Variants in RTL1 observed in about 807,000 individuals in gnomAD.
RTL1 encodes the protein retrotransposon Gag like 1, also known as retrotransposon-like protein 1.
For synonymous variants in RTL1, 727 were observed against 748.4 expected, an observed-to-expected ratio of 0.97 and a Z score of 0.47; for missense variants, 1,681 against 1,767.5, an observed-to-expected ratio of 0.95 and a Z score of 0.88.
rs2038625046 is a variant in RTL1, at chr14:100,882,166, A to G, written c.2623T>C (p.Phe875Leu). The G allele has an allele frequency of 1.3e-6, 2 of 1,550,630 alleles. No individual in the cohort carries two copies. The highest frequency in any genetic ancestry group is 1.4e-5 in the African/African-American group (1 of 73,156). The stretch of plus-strand genomic sequence containing the variant: ...CCGGTGACGCCGGTTTCCAAGTAGA[A>G]TGGGTTCTGGGGCTTGGGGTGGTGG... ...LLHHPKPQNP[F>L]YLETGVTGTA... Residue 875 changes from phenylalanine (F) to leucine (L), a missense_variant, in exon 4 of 4, where the codon TTC (phenylalanine) becomes CTC (leucine). Coordinates refer to ENST00000649591, the MANE Select transcript of RTL1 (RefSeq NM_001134888.3).
chr14:100,880,080 C>G lies in RTL1; in HGVS notation c.*632G>C, dbSNP rs1566751513. ...CGGCTTTGTCCAGGTAAGTCCAGAG[C>G]TCAGGGCAAGAGGAAGGCGGGGTCA... On this transcript the variant is annotated 3_prime_UTR_variant, in exon 4 of 4. Coordinates refer to ENST00000649591, the MANE Select transcript of RTL1 (RefSeq NM_001134888.3). Among the ~76,000 whole-genome samples the G allele has an allele frequency of 7.1e-6, 1 of 140,500 alleles. No homozygotes were observed. The highest frequency in any genetic ancestry group is 1.5e-5 in the Non-Finnish European group (1 of 66,618). The allele number at this position is 140,500 out of a possible 152,430, so 92.2% of individuals were successfully genotyped here.
Position 100,881,459 on chromosome 14 carries a change from T to A in RTL1, c.3330A>T (p.Ala1110=). Residue 1110 remains alanine, a synonymous_variant, in exon 4 of 4, where the codon GCA becomes GCT. Coordinates refer to ENST00000649591, the MANE Select transcript of RTL1 (RefSeq NM_001134888.3). This position sits in a 1 kb window ranked among gnomAD's most constrained non-coding sequence, Gnocchi z 6.6. ...RVRQCLSLRP[A]PAMRVARPQP... ...GGGGCCGAGCCACCCGCATGGCGGG[T>A]GCCGGCCGCAGCGAGAGGCATTGCC... The A allele has an allele frequency of 1.3e-6, 2 of 1,549,600 alleles. No individual in the cohort carries two copies. The highest frequency in any genetic ancestry group is 1.7e-6 in the Non-Finnish European group (2 of 1,146,674).
intron 2 of RTL1, among the ~76,000 whole-genome samples, chr14:100,894,309 C>CAAAAAAAAA (rs562868034): frequency 4.1e-5 from 3 of 72,456 alleles, no homozygotes; most frequent in South Asian, 4.5e-4. Context: ...AACTCCGTCT[C>CAAAAAAAAA]AAAAAAAAAA....
At chr14:100,887,875 A>C (rs553293810) in intron 3 of RTL1, among the ~76,000 whole-genome samples, 1 of 152,032 alleles carries the variant, frequency 6.6e-6, no homozygotes, top group Non-Finnish European at 1.5e-5. Flanking sequence ...TAATCATATA[A>C]CTTCTTTTTA....
At position 100,882,403 on chromosome 14, in the gene RTL1, T is replaced by C. The variant is rs1278455063; in HGVS notation, c.2386A>G (p.Ile796Val). 17 of 1,551,856 alleles carry C rather than the reference T, an allele frequency of 1.1e-5. No homozygotes were observed. Among genetic ancestry groups the C allele is most frequent in the Non-Finnish European group, 1.4e-5 (16 of 1,147,080 alleles). The change falls in exon 4 of 4, where the codon ATC becomes GTC. Residue 796 changes from isoleucine (I) to valine (V), a missense_variant. Physicochemically the swap from Ile to Val is conservative, Grantham distance 29. Transcript: ENST00000649591. ...GVKLNKNVMT[I>V]ITGYPTPGSK... ...CCAGGGGTAGGGTACCCTGTTATGA[T>C]GGTCATGACGTTCTTGTTCAGTTTC...
At chr14:100,900,743 A>T (rs2038930337) in intron 2 of RTL1, among the ~76,000 whole-genome samples, 1 of 152,168 alleles carries the variant, frequency 6.6e-6, no homozygotes, top group African/African-American at 2.4e-5. Flanking sequence ...AGCTATCCTG[A>T]ACCAGAAATC....
chr14:100,894,453 G>A (rs1405683106), intron 2 of RTL1, among the ~76,000 whole-genome samples: 2 of 152,148 alleles, frequency 1.3e-5, no homozygotes, highest in Non-Finnish European at 2.9e-5. Flanking sequence ...ACCTGCATGC[G>A]CCATTCAAGT....
chr14:100,891,184 G>A (rs773503400), intron 3 of RTL1, among the ~76,000 whole-genome samples: 7 of 152,066 alleles, frequency 4.6e-5, no homozygotes, highest in Admixed American at 1.3e-4. Context: ...CCCTCCCCCC[G>A]GGACCCTTCA....
rs1023501074 is a variant in RTL1 at position 100,884,262 on chromosome 14, C to T, written c.527G>A (p.Arg176Gln). The T allele has an allele frequency of 4.5e-6, 7 of 1,551,598 alleles. No homozygotes were observed. The highest frequency in any genetic ancestry group is 6.1e-6 in the Non-Finnish European group (7 of 1,146,992). ...MVRSIISLYF[R>Q]MQDLKEQQRV... ...CTGTTGCTCTTTGAGGTCTTGCATTCGGAAGTACAGCGAGATGATGGACCT... is the reference window on the plus strand; with the variant it reads ...CTGTTGCTCTTTGAGGTCTTGCATTTGGAAGTACAGCGAGATGATGGACCT... The change falls in exon 4 of 4, where the codon CGA becomes CAA. Residue 176 changes from arginine to glutamine, a missense_variant. By Grantham distance (43) the Arg-to-Gln change is conservative. Transcript: ENST00000649591.
intron 2 of RTL1, among the ~76,000 whole-genome samples, chr14:100,898,490 T>C (rs1197139955): frequency 6.6e-6 from 1 of 152,250 alleles, no homozygotes; most frequent in Non-Finnish European, 1.5e-5. Context: ...CATTTTGACC[T>C]TGTTACTGTC....
chr14:100,880,947 C>A lies in RTL1; in HGVS notation c.3842G>T (p.Arg1281Leu). ...HTAATHPPRP[R>L]HLMDPQVLEF... Reference sequence around the variant, plus strand: ...CAGGACCTGGGGATCCATCAGGTGGCGTGGGCGGGGTGGGTGGGTGGCTGC... The same window carrying A: ...CAGGACCTGGGGATCCATCAGGTGGAGTGGGCGGGGTGGGTGGGTGGCTGC... Residue 1281 changes from arginine to leucine, a missense_variant, in exon 4 of 4, where the codon CGC becomes CTC. Coordinates refer to ENST00000649591, the MANE Select transcript of RTL1 (RefSeq NM_001134888.3). 1 of 85,320 alleles carries A rather than the reference C, an allele frequency of 1.2e-5. No homozygotes were observed. Among genetic ancestry groups the A allele is most frequent in the South Asian group, 8.1e-5 (1 of 12,288 alleles). The allele number at this position is 85,320 out of a possible 1,614,324, so 5.3% of individuals were successfully genotyped here.
rs1796826717 is a variant in RTL1 at position 100,893,435 on chromosome 14, A to T, written c.-87+9T>A. On this transcript the variant is annotated intron_variant, in intron 3 of 3. Transcript: ENST00000649591. The surrounding 1 kb of genome is among the most constrained non-coding windows in gnomAD (Gnocchi z 4.2). ...GAGGTCGACATGGGACCTCTGCCCC[A>T]CATCTTACCTTGGCTGCAAGCGTTC... is the stretch of plus-strand genomic sequence containing the variant. Among the ~76,000 whole-genome samples the T allele has an allele frequency of 6.6e-6, 1 of 152,066 alleles. No individual in the cohort carries two copies. The highest frequency in any genetic ancestry group is 2.4e-5 in the African/African-American group (1 of 41,400).
At chr14:100,899,348 T>G (rs1039154326) in intron 2 of RTL1, among the ~76,000 whole-genome samples, 13 of 152,216 alleles carry the variant, frequency 8.5e-5, no homozygotes, top group African/African-American at 3.1e-4. Context: ...TAAACGGGTC[T>G]GGTCCCAGAA....
At position 100,884,247 on chromosome 14, in the gene RTL1, T is replaced by C; in HGVS notation, c.542A>G (p.Lys181Arg). ...ISLYFRMQDL[K>R]EQQRVAEEIL... Reference sequence around the variant, plus strand: ...CTCTTCTGCTACTCTCTGTTGCTCTTTGAGGTCTTGCATTCGGAAGTACAG... The same window carrying C: ...CTCTTCTGCTACTCTCTGTTGCTCTCTGAGGTCTTGCATTCGGAAGTACAG... The change falls in exon 4 of 4, where the codon AAA (lysine) becomes AGA (arginine). Residue 181 changes from lysine (K) to arginine (R), a missense_variant. Transcript: ENST00000649591. 1 of 1,551,786 alleles carries C rather than the reference T, an allele frequency of 6.4e-7. No homozygotes were observed. The highest frequency in any genetic ancestry group is 8.7e-7 in the Non-Finnish European group (1 of 1,147,006).
chr14:100,897,770 G>GGGGGGGGGGGGGGGGGA lies in RTL1; in HGVS notation c.-148-4266_-148-4265insTCCCCCCCCCCCCCCCC. ...GGTTGGCGGGGGGGGGGGTGGGGGG[G>GGGGGGGGGGGGGGGGGA]TGGGGGGCGGGGGGGGGCAGTGAAT... On this transcript the variant is annotated intron_variant, in intron 2 of 3. Transcript: ENST00000649591. 2 of 133,906 alleles carry GGGGGGGGGGGGGGGGGA rather than the reference G, an allele frequency of 1.5e-5. 1 individual carries two copies. Among genetic ancestry groups the GGGGGGGGGGGGGGGGGA allele is most frequent in the Non-Finnish European group, 3.0e-5 (2 of 67,110 alleles). The allele number at this position is 133,906 out of a possible 1,614,324, so 8.3% of individuals were successfully genotyped here.
At position 100,883,130 on chromosome 14, in the gene RTL1, G is replaced by A. The variant is rs369246682; in HGVS notation, c.1659C>T (p.Pro553=). Residue 553 remains proline, a synonymous_variant, in exon 4 of 4, where the codon CCC becomes CCT. Transcript: ENST00000649591. The surrounding 1 kb of genome is among the most constrained non-coding windows in gnomAD (Gnocchi z 5.9). ...GGTCTGAGTATGGGTGTGGCAGTCC[G>A]GGTAGCAGGCTCATGCCGTGCCTCT... ...ALERHGMSLL[P]GLPHPYSDLA... is the part of the protein sequence containing the mutation. 3.1e-6 allele frequency: 5 copies of A among 1,610,594 alleles called. No individual in the cohort carries two copies. Among genetic ancestry groups the A allele is most frequent in the Non-Finnish European group, 3.4e-6 (4 of 1,178,256 alleles).
intron 3 of RTL1, among the ~76,000 whole-genome samples, chr14:100,888,530 C>T (rs1054699335): frequency 3.9e-5 from 6 of 152,186 alleles, no homozygotes; most frequent in Non-Finnish European, 8.8e-5. Context: ...AAGTCAAATT[C>T]ACACTTCCTA....
chr14:100,900,210 G>T (rs778700925), intron 2 of RTL1, among the ~76,000 whole-genome samples: 5 of 152,226 alleles, frequency 3.3e-5, no homozygotes, highest in Non-Finnish European at 7.3e-5. Context: ...AGTCTCCAGA[G>T]GTTCATAATT....
At chr14:100,897,771 TGGGGGGCGGGG>T (rs1566760914) in intron 2 of RTL1, 7 of 23,724 alleles carry the variant, frequency 3.0e-4, no homozygotes, top group African/African-American at 1.4e-3. Context: ...GGTGGGGGGG[TGGGGGGCGGGG>T]GGGGGCAGTG....
Sources: allele counts gnomAD v4.1 joint callset (sites outside exome capture counted in the v4.1 genomes callset), GRCh38; gene constraint gnomAD v4.1.1; non-coding constraint Gnocchi (gnomAD v3.1); transcripts MANE v1.5; gene names NCBI Gene and HGNC (gene_info 2026-07-23, HGNC 2026-07-21).